The following FRMPD4 variants were observed in gnomAD, a reference collection of about 807,000 sequenced individuals.
FRMPD4 encodes the protein FERM and PDZ domain containing 4, also known as FERM and PDZ domain-containing protein 4.
In FRMPD4, 22 loss-of-function variants were observed where a neutral mutation model predicts 94.1. That is an observed-to-expected ratio of 0.23 (90% CI 0.17 to 0.33). The LOEUF is 0.33. FRMPD4 is among the 10% of genes least tolerant of loss of function. The pLI is 1.00. For missense variants in FRMPD4, 1,111 were observed against 1,339.9 expected, an observed-to-expected ratio of 0.83 and a Z score of 2.67; for synonymous variants, 631 against 548.6, an observed-to-expected ratio of 1.15 and a Z score of -2.10.
At chrX:11,902,714 C>G (rs1304845852) in intron 3 of FRMPD4, among the ~76,000 whole-genome samples, 1 of 111,109 alleles carries the variant, frequency 9.0e-6, no homozygotes, top group Non-Finnish European at 1.9e-5. Flanking sequence ...TGTGGCTGCT[C>G]ATACTTGGCA....
rs761681636 is a variant in FRMPD4 at position 12,412,041 on chromosome X, G to C, written c.42-86639G>C. Among the ~76,000 whole-genome samples, 3 of 112,083 alleles carry C rather than the reference G, an allele frequency of 2.7e-5. No homozygotes were observed. In the Admixed American group the frequency reaches 2.8e-4, roughly 11 times the overall value. On this transcript the variant is annotated intron_variant, in intron 1 of 16. Transcript: ENST00000675598. ...TATCCTTTTGAAAGCCTCAATTCCT[G>C]TGCAGCCTGATTCACAGGCCACTTC...
chrX:11,963,077 C>T (rs2054291987), intron 3 of FRMPD4, among the ~76,000 whole-genome samples: 1 of 102,941 alleles, frequency 9.7e-6, no homozygotes, highest in Admixed American at 1.0e-4. Flanking sequence ...AAATTTCTTT[C>T]AATATGTATA....
chrX:12,562,299 A>G (rs1316966079), intron 2 of FRMPD4, among the ~76,000 whole-genome samples: 1 of 112,624 alleles, frequency 8.9e-6, no homozygotes, highest in Non-Finnish European at 1.9e-5. Context: ...CTATTTAACA[A>G]GGGTAGGTCC....
intron 3 of FRMPD4, among the ~76,000 whole-genome samples, chrX:12,064,009 G>C (rs1336545846): frequency 8.9e-6 from 1 of 111,920 alleles, no homozygotes. Flanking sequence ...TAAAATACTT[G>C]AAGTTTGTGG....
chrX:12,259,216 G>A (rs1054505362), intron 1 of FRMPD4, among the ~76,000 whole-genome samples: 8 of 111,586 alleles, frequency 7.2e-5, no homozygotes, highest in Admixed American at 2.9e-4. Flanking sequence ...GCTCCCAAGC[G>A]GGGGGTGCGT....
chrX:12,184,596 A>G (rs2056400409), intron 1 of FRMPD4, among the ~76,000 whole-genome samples: 1 of 112,403 alleles, frequency 8.9e-6, no homozygotes, highest in South Asian at 3.6e-4. Context: ...AACTAAGTTC[A>G]TTAAAAAGAA....
chrX:12,400,847 AGTTAAACAAACTACACAAAATCCTGAAAC>A (rs1569261630), intron 1 of FRMPD4, among the ~76,000 whole-genome samples: 1 of 112,401 alleles, frequency 8.9e-6, no homozygotes, highest in Non-Finnish European at 1.9e-5. Flanking sequence ...TGTGACCAAC[AGTTAAACAAACTACACAAAATCCTGAAAC>A]TCAAAATCTC....
intron 1 of FRMPD4, among the ~76,000 whole-genome samples, chrX:12,266,006 G>A (rs1364939922): frequency 7.5e-5 from 8 of 107,099 alleles, no homozygotes; most frequent in African/African-American, 1.0e-4. Flanking sequence ...GGTGGCAGGC[G>A]CCTGTAGTCC....
intron 1 of FRMPD4, among the ~76,000 whole-genome samples, chrX:11,846,907 A>T (rs7886781): frequency 0.27 from 28,224 of 106,197 alleles, 2,937 homozygotes; most frequent in Middle Eastern, 0.34. Flanking sequence ...CTTAAACGTT[A>T]GACCTAAAAC....
At chrX:12,053,359 GAAGAAAGAAAGAAAGA>G (rs57459327) in intron 3 of FRMPD4, among the ~76,000 whole-genome samples, 1,876 of 51,398 alleles carry the variant, frequency 0.036, 28 homozygotes, top group African/African-American at 0.05. Context: ...AGGAAAGAAA[GAAGAAAGAAAGAAAGA>G]AAGAAAGAAA....
intron 1 of FRMPD4, among the ~76,000 whole-genome samples, chrX:12,142,448 T>A (rs2055704699): frequency 9.0e-6 from 1 of 111,086 alleles, no homozygotes; most frequent in Non-Finnish European, 1.9e-5. Flanking sequence ...AAGGTCAGGG[T>A]TTTTCCCATA....
chrX:12,286,827 AT>A (rs1323080964), intron 1 of FRMPD4, among the ~76,000 whole-genome samples: 1 of 111,552 alleles, frequency 9.0e-6, no homozygotes, highest in African/African-American at 3.3e-5. Flanking sequence ...TGGTCCATTG[AT>A]TTTTTTCATT....
intron 1 of FRMPD4, among the ~76,000 whole-genome samples, chrX:12,155,928 C>T (rs1011531275): frequency 1.8e-5 from 2 of 111,449 alleles, no homozygotes; most frequent in African/African-American, 6.5e-5. Context: ...GCTGCTTTTG[C>T]AATAAAATTA....
chrX:12,500,300 G>A (rs1184194019), intron 2 of FRMPD4, among the ~76,000 whole-genome samples: 1 of 111,301 alleles, frequency 9.0e-6, no homozygotes, highest in African/African-American at 3.3e-5. Context: ...ACCGTGAGGT[G>A]AGGGGTCATT....
intron 1 of FRMPD4, among the ~76,000 whole-genome samples, chrX:12,317,779 G>T (rs1368525250): frequency 1.8e-5 from 2 of 111,453 alleles, no homozygotes; most frequent in African/African-American, 6.5e-5. Context: ...ACCCCAGTTA[G>T]AATGGCTATT....
chrX:11,933,755 T>A (rs1046143789), intron 3 of FRMPD4, among the ~76,000 whole-genome samples: 1 of 112,086 alleles, frequency 8.9e-6, no homozygotes, highest in African/African-American at 3.2e-5. Context: ...TTGTGGGGTT[T>A]TTTTTAGGGA....
At chrX:11,933,187 C>T (rs2054131614) in intron 3 of FRMPD4, among the ~76,000 whole-genome samples, 1 of 112,364 alleles carries the variant, frequency 8.9e-6, no homozygotes. Context: ...TCATCTGCAC[C>T]GATTGTGGAA....
At chrX:12,482,730 C>T (rs965293535) in intron 1 of FRMPD4, among the ~76,000 whole-genome samples, 1 of 112,383 alleles carries the variant, frequency 8.9e-6, no homozygotes, top group African/African-American at 3.2e-5. Flanking sequence ...CTTAACCCAA[C>T]GTGTCTAAAA....
At position 12,474,022 on chromosome X, in the gene FRMPD4, G is replaced by A. The variant is rs1016498483; in HGVS notation, c.42-24658G>A. ...ATCAACAGAATATACATTCTTTTCA[G>A]CACCACACCACACCTATTCCAAATT... On this transcript the variant is annotated intron_variant, in intron 1 of 16. Coordinates refer to ENST00000675598, the MANE Select transcript of FRMPD4 (RefSeq NM_001368397.1). 8.2e-5 allele frequency among the ~76,000 whole-genome samples: 9 copies of A among 109,971 alleles called. 1 individual carries two copies. The highest frequency in any genetic ancestry group is 3.1e-4 in the African/African-American group (9 of 28,983).
Sources: gnomAD v4.1 joint callset for allele counts (sites outside exome capture counted in the v4.1 genomes callset) on GRCh38, gnomAD v4.1.1 for gene constraint, MANE v1.5 for transcripts, NCBI Gene and HGNC (gene_info 2026-07-23, HGNC 2026-07-21) for gene names.